Variants in PRKG1 observed in about 807,000 individuals in gnomAD.
The protein encoded by PRKG1 is cGMP-dependent protein kinase 1.
Under a neutral mutation model 88.1 loss-of-function variants are expected in PRKG1, and 35 were observed. The observed-to-expected ratio is 0.40, with a 90% confidence interval of 0.30 to 0.53. The LOEUF is 0.53. Among genes scored for constraint, PRKG1 ranks in the 20% least tolerant of loss-of-function variants. The pLI, the probability that PRKG1 is intolerant of heterozygous loss-of-function variation, is 0.59. For missense variants in PRKG1, 540 were observed against 839.8 expected (o/e 0.64, Z 4.41); for synonymous variants, 303 against 292.5 (o/e 1.04, Z -0.37).
In PRKG1 at chr10:52,134,439, T is replaced by G. The variant is rs143190027; in HGVS notation, c.1001+534T>G. Among the ~76,000 whole-genome samples the G allele has an allele frequency of 1.0e-3, 158 of 152,208 alleles. No homozygotes were observed. The East Asian group carries it at 0.025, about 24-fold the overall frequency. On this transcript the variant is annotated intron_variant, in intron 8 of 17. Coordinates refer to ENST00000373980, the MANE Select transcript of PRKG1 (RefSeq NM_006258.4). ...GCATATATTTAAGGCCATTAAAAATTTGTCTGATAATGTCTATCCCTGTTT... is the reference window on the plus strand; with the variant it reads ...GCATATATTTAAGGCCATTAAAAATGTGTCTGATAATGTCTATCCCTGTTT...
At position 52,256,560 on chromosome 10, in the gene PRKG1, C is replaced by A. The variant is rs1219896282; in HGVS notation, c.1173+4894C>A. Among the ~76,000 whole-genome samples the A allele has an allele frequency of 1.4e-5, 2 of 139,450 alleles. 1 individual carries two copies. The highest frequency in any genetic ancestry group is 5.0e-5 in the African/African-American group (2 of 40,286). 91.5% of individuals were successfully genotyped at this position (139,450 alleles called of 152,430 possible). A position where few individuals can be genotyped will look rare whatever the true frequency, so the allele number is the denominator to read the frequency against. The stretch of plus-strand genomic sequence containing the variant: ...GTTGTGAAGATTAAACGAGTTAAAG[C>A]CCTCAAAATAGTGTCTCACACATCA... On this transcript the variant is annotated intron_variant, in intron 10 of 17. Transcript: ENST00000373980.
intron 3 of PRKG1, among the ~76,000 whole-genome samples, chr10:51,492,732 T>G (rs927496231): frequency 6.6e-6 from 1 of 152,146 alleles, no homozygotes; most frequent in African/African-American, 2.4e-5. Flanking sequence ...CATAATTGAA[T>G]GGTTTTCTTG....
intron 4 of PRKG1, among the ~76,000 whole-genome samples, chr10:51,832,032 A>G (rs966319307): frequency 1.3e-5 from 2 of 152,200 alleles, no homozygotes; most frequent in Non-Finnish European, 2.9e-5. Flanking sequence ...AGAAAACTGG[A>G]AAGAGTTAAT....
intron 3 of PRKG1, among the ~76,000 whole-genome samples, chr10:51,548,134 T>C (rs1483393411): frequency 6.6e-6 from 1 of 152,062 alleles, no homozygotes; most frequent in Admixed American, 6.6e-5. Flanking sequence ...AAAGACACAG[T>C]GTTCCAGAAG....
intron 3 of PRKG1, among the ~76,000 whole-genome samples, chr10:51,684,951 T>G (rs1337445685): frequency 2.0e-5 from 3 of 152,174 alleles, no homozygotes; most frequent in Non-Finnish European, 2.9e-5. Context: ...TAAGTTTTGG[T>G]TTTCATTGCC....
chr10:52,197,542 C>A (rs947568777), intron 9 of PRKG1, among the ~76,000 whole-genome samples: 1 of 152,180 alleles, frequency 6.6e-6, no homozygotes, highest in Admixed American at 6.5e-5. Context: ...CACCATAAAA[C>A]GGAGACACTG....
rs143594027 is a variant in PRKG1 at position 51,243,852 on chromosome 10, C to G, written c.478+90522C>G. On this transcript the variant is annotated intron_variant, in intron 2 of 17. Transcript: ENST00000373980. ...CAATTACATTTGCAGGAGAGTATTA[C>G]TTGACTTCTTATATTGCCTTCTGCC... Among the ~76,000 whole-genome samples the G allele has an allele frequency of 3.5e-3, 527 of 152,302 alleles. 1 individual carries two copies. The highest frequency in any genetic ancestry group is 4.4e-3 in the Non-Finnish European group (298 of 68,022).
intron 3 of PRKG1, among the ~76,000 whole-genome samples, chr10:51,620,578 T>C (rs952315101): frequency 5.3e-5 from 8 of 152,094 alleles, no homozygotes; most frequent in Admixed American, 5.2e-4. Flanking sequence ...TTATACATCG[T>C]TGTGTAATTT....
intron 4 of PRKG1, among the ~76,000 whole-genome samples, chr10:51,832,949 A>G (rs1193476334): frequency 6.6e-6 from 1 of 152,176 alleles, no homozygotes; most frequent in Non-Finnish European, 1.5e-5. Context: ...TTCTCCTGTG[A>G]TATGAATAAA....
At chr10:51,806,435 A>G (rs1839310027) in intron 4 of PRKG1, among the ~76,000 whole-genome samples, 1 of 152,218 alleles carries the variant, frequency 6.6e-6, no homozygotes, top group African/African-American at 2.4e-5. Flanking sequence ...AATCTTAAAC[A>G]ATAAAATTGG....
intron 5 of PRKG1, among the ~76,000 whole-genome samples, chr10:51,997,184 G>C (rs1483864561): frequency 6.6e-6 from 1 of 151,916 alleles, no homozygotes; most frequent in Admixed American, 6.6e-5. Flanking sequence ...TTAGATAAGA[G>C]AAATAAAGCT....
At chr10:51,026,148 T>A (rs1165685536) in intron 1 of PRKG1, among the ~76,000 whole-genome samples, 1 of 152,098 alleles carries the variant, frequency 6.6e-6, no homozygotes, top group African/African-American at 2.4e-5. Context: ...AACAGGCTCC[T>A]CCTCCCAGCT....
chr10:51,433,049 A>G (rs184958740), intron 2 of PRKG1, among the ~76,000 whole-genome samples: 272 of 152,292 alleles, frequency 1.8e-3, no homozygotes, highest in Non-Finnish European at 2.0e-3. Context: ...ATCTTGGGAC[A>G]TTATGAGCTA....
At chr10:51,196,217 A>T (rs1837760951) in intron 2 of PRKG1, among the ~76,000 whole-genome samples, 1 of 152,190 alleles carries the variant, frequency 6.6e-6, no homozygotes, top group South Asian at 2.1e-4. Flanking sequence ...CCCAGATGGG[A>T]GTTAGTTTTA....
intron 5 of PRKG1, among the ~76,000 whole-genome samples, chr10:51,921,636 T>G (rs1842465828): frequency 6.6e-6 from 1 of 152,142 alleles, no homozygotes; most frequent in Non-Finnish European, 1.5e-5. Flanking sequence ...GTGTTAAATT[T>G]TGTGAAATGC....
chr10:51,333,595 G>A (rs1358436524), intron 2 of PRKG1, among the ~76,000 whole-genome samples: 1 of 152,180 alleles, frequency 6.6e-6, no homozygotes, highest in Non-Finnish European at 1.5e-5. Context: ...CATCATAAAT[G>A]CCCATCCATT....
rs182531320 is a variant in PRKG1, at chr10:52,220,246, T to G, written c.1077-31324T>G. Among the ~76,000 whole-genome samples, 595 of 152,222 alleles carry G rather than the reference T, an allele frequency of 3.9e-3. 6 individuals are homozygous for G. Among genetic ancestry groups the G allele is most frequent in the African/African-American group, 0.014 (562 of 41,536 alleles). On this transcript the variant is annotated intron_variant, in intron 9 of 17. Coordinates refer to ENST00000373980, the MANE Select transcript of PRKG1 (RefSeq NM_006258.4). ...GTTGTTTGCTTTCTGGGAAAGCCAG[T>G]CACCCTATCATGAAGACACTTAGGC...
intron 2 of PRKG1, among the ~76,000 whole-genome samples, chr10:51,336,190 T>C (rs1409155077): frequency 6.6e-6 from 1 of 151,712 alleles, no homozygotes; most frequent in East Asian, 1.9e-4. Flanking sequence ...CCATCTCTAC[T>C]AAAAGTATAA....
chr10:51,463,555 T>G (rs1388905040), intron 2 of PRKG1, among the ~76,000 whole-genome samples: 1 of 152,182 alleles, frequency 6.6e-6, no homozygotes, highest in Non-Finnish European at 1.5e-5. Flanking sequence ...CATGACTACC[T>G]TAATACTTTA....
Sources: allele counts gnomAD v4.1 joint callset (sites outside exome capture counted in the v4.1 genomes callset), GRCh38; gene constraint gnomAD v4.1.1; transcripts MANE v1.5; gene names NCBI Gene and HGNC (gene_info 2026-07-23, HGNC 2026-07-21).